KCNIP4: variants seen among roughly 807,000 people sequenced by gnomAD.
KCNIP4 encodes the protein Kv channel-interacting protein 4.
KCNIP4 carries 12 observed loss-of-function variants against 34.0 expected under a neutral mutation model. That is an observed-to-expected ratio of 0.35 (90% CI 0.23 to 0.57). The LOEUF (loss-of-function observed/expected upper bound fraction) is 0.57. KCNIP4 is among the 20% of genes least tolerant of loss of function. The pLI, the probability that KCNIP4 is intolerant of heterozygous loss-of-function variation, is 0.83. For missense variants in KCNIP4, 238 were observed against 311.7 expected, an observed-to-expected ratio of 0.76 and a Z score of 1.78; for synonymous variants, 124 against 102.2, an observed-to-expected ratio of 1.21 and a Z score of -1.29.
At chr4:20,950,508 A>G (rs1732670270) in intron 1 of KCNIP4, among the ~76,000 whole-genome samples, 2 of 152,072 alleles carry the variant, frequency 1.3e-5, no homozygotes, top group African/African-American at 4.8e-5. Flanking sequence ...CTCACAGTCG[A>G]TCTGCAATCA....
chr4:21,283,287 CT>C (rs1762894697), intron 1 of KCNIP4, among the ~76,000 whole-genome samples: 1 of 151,974 alleles, frequency 6.6e-6, no homozygotes. Flanking sequence ...TAAAAATTGA[CT>C]TTTATATTTA....
rs371329674 is a variant in KCNIP4 at position 21,859,569 on chromosome 4, A to G, written c.61+89002T>C. On this transcript the variant is annotated intron_variant, in intron 1 of 8. Transcript: ENST00000382152. ...CATGAACCTGGGAGGCGGAGCTTGC[A>G]GTGAGCCGAGATCGCGCCACTGCAC... Among the ~76,000 whole-genome samples the G allele has an allele frequency of 3.2e-4, 48 of 151,830 alleles. No homozygotes were observed. The South Asian group carries it at 0.01, about 32-fold the overall frequency.
chr4:21,791,572 C>A (rs543883862), intron 1 of KCNIP4, among the ~76,000 whole-genome samples: 55 of 151,990 alleles, frequency 3.6e-4, no homozygotes, highest in Non-Finnish European at 6.3e-4. Flanking sequence ...TAAACACAAC[C>A]GCGGGACTCA....
chr4:21,197,420 G>A (rs1420793621), intron 1 of KCNIP4, among the ~76,000 whole-genome samples: 10 of 152,112 alleles, frequency 6.6e-5, no homozygotes, highest in South Asian at 2.1e-4. Context: ...AATACAGCAC[G>A]TTGGATTGCT....
At chr4:21,635,491 C>A (rs970091907) in intron 1 of KCNIP4, among the ~76,000 whole-genome samples, 1 of 152,098 alleles carries the variant, frequency 6.6e-6, no homozygotes, top group Non-Finnish European at 1.5e-5. Flanking sequence ...CATGAACAGA[C>A]ACTTCTCAAA....
chr4:20,978,741 A>G (rs1164252657), intron 1 of KCNIP4, among the ~76,000 whole-genome samples: 1 of 151,694 alleles, frequency 6.6e-6, no homozygotes, highest in Non-Finnish European at 1.5e-5. Context: ...TTCTTCTTGG[A>G]TTTTCTTGTA....
intron 1 of KCNIP4, among the ~76,000 whole-genome samples, chr4:20,916,876 T>G (rs1440788952): frequency 1.3e-5 from 2 of 150,778 alleles, no homozygotes; most frequent in Non-Finnish European, 3.0e-5. Context: ...TTAATCCCAG[T>G]TAACTTAATT....
At chr4:21,637,041 G>A (rs922935456) in intron 1 of KCNIP4, among the ~76,000 whole-genome samples, 1 of 152,096 alleles carries the variant, frequency 6.6e-6, no homozygotes, top group African/African-American at 2.4e-5. Flanking sequence ...TGTGTTTACA[G>A]CTGGCTCTCT....
At chr4:21,494,137 C>T (rs897944092) in intron 1 of KCNIP4, among the ~76,000 whole-genome samples, 1 of 152,162 alleles carries the variant, frequency 6.6e-6, no homozygotes, top group African/African-American at 2.4e-5. Context: ...TCAGTCAGCA[C>T]ACTAGGAATC....
At chr4:20,804,304 T>C (rs761675190) in intron 3 of KCNIP4, among the ~76,000 whole-genome samples, 1 of 152,226 alleles carries the variant, frequency 6.6e-6, no homozygotes, top group Non-Finnish European at 1.5e-5. Context: ...GTTAGCACTC[T>C]CTTCTCCTTA....
chr4:20,986,491 A>G (rs1238053632), intron 1 of KCNIP4, among the ~76,000 whole-genome samples: 2 of 152,210 alleles, frequency 1.3e-5, no homozygotes, highest in African/African-American at 2.4e-5. Context: ...CAAAAGTTAA[A>G]AAAAAATTAC....
chr4:21,879,297 A>G (rs1032499175), intron 1 of KCNIP4, among the ~76,000 whole-genome samples: 2 of 152,322 alleles, frequency 1.3e-5, no homozygotes, highest in East Asian at 1.9e-4. Flanking sequence ...GCTCAGAGGT[A>G]TCATATTGAA....
At position 21,660,910 on chromosome 4, in the gene KCNIP4, C is replaced by A. The variant is rs116488681; in HGVS notation, c.61+287661G>T. Among the ~76,000 whole-genome samples, 656 of 152,216 alleles carry A rather than the reference C, an allele frequency of 4.3e-3. 4 individuals carry two copies. Among genetic ancestry groups the A allele is most frequent in the African/African-American group, 0.015 (626 of 41,514 alleles). On this transcript the variant is annotated intron_variant, in intron 1 of 8. Transcript: ENST00000382152. The stretch of plus-strand genomic sequence containing the variant: ...GGAGGTTCCCTAGAAAAGGCCCCAC[C>A]CTCAAGCCTGGAAACTTGCAGCCCT...
chr4:21,446,742 A>G (rs1162616464), intron 1 of KCNIP4, among the ~76,000 whole-genome samples: 1 of 152,060 alleles, frequency 6.6e-6, no homozygotes, highest in Non-Finnish European at 1.5e-5. Flanking sequence ...GTGCACATGT[A>G]CCTTAAAACT....
intron 1 of KCNIP4, among the ~76,000 whole-genome samples, chr4:21,169,176 G>C (rs1383806011): frequency 6.6e-6 from 1 of 152,058 alleles, no homozygotes; most frequent in African/African-American, 2.4e-5. Context: ...TGTTGTTGTT[G>C]CTGAGACAGG....
rs189411446 is a variant in KCNIP4 at position 20,940,473 on chromosome 4, T to C, written c.62-57764A>G. 2.6e-3 allele frequency among the ~76,000 whole-genome samples: 391 copies of C among 152,308 alleles called. 1 individual carries two copies. The highest frequency in any genetic ancestry group is 9.0e-3 in the African/African-American group (374 of 41,572). On this transcript the variant is annotated intron_variant, in intron 1 of 8. Transcript: ENST00000382152. The stretch of plus-strand genomic sequence containing the variant: ...GAAGTGATCCAATTTTAATTTTCTT[T>C]CGTTCATGAAAAGTAGGGATAAACT...
chr4:21,036,074 A>G (rs1378643277), intron 1 of KCNIP4, among the ~76,000 whole-genome samples: 1 of 152,166 alleles, frequency 6.6e-6, no homozygotes, highest in Non-Finnish European at 1.5e-5. Context: ...ACTTTTCTCC[A>G]CACTCTGTTA....
At chr4:20,756,628 A>G (rs993760761) in intron 4 of KCNIP4, among the ~76,000 whole-genome samples, 5 of 151,686 alleles carry the variant, frequency 3.3e-5, no homozygotes, top group East Asian at 2.0e-4. Context: ...ACCCTCTGCA[A>G]TTTGGCTTCT....
At chr4:21,390,391 C>G (rs1326802717) in intron 1 of KCNIP4, among the ~76,000 whole-genome samples, 11 of 152,202 alleles carry the variant, frequency 7.2e-5, no homozygotes, top group African/African-American at 2.6e-4. Flanking sequence ...CCTATGTCTT[C>G]AATGGTATTG....
Sources: gnomAD v4.1 joint callset for allele counts (sites outside exome capture counted in the v4.1 genomes callset) on GRCh38, gnomAD v4.1.1 for gene constraint, MANE v1.5 for transcripts, NCBI Gene and HGNC (gene_info 2026-07-23, HGNC 2026-07-21) for gene names.